TOM1: variants seen among roughly 807,000 people sequenced by gnomAD.
The protein encoded by TOM1 is target of myb1 membrane trafficking protein.
A neutral mutation model predicts 61.3 loss-of-function variants in TOM1; 38 were observed. The observed-to-expected ratio is 0.62, with a 90% CI of 0.48 to 0.81. TOM1 has a LOEUF of 0.81. Among genes scored for constraint, TOM1 ranks in the 40% least tolerant of loss-of-function variants. The pLI, the probability that TOM1 is intolerant of heterozygous loss-of-function variation, is 0.00. For missense variants in TOM1, 591 were observed against 659.6 expected, an observed-to-expected ratio of 0.90 and a Z score of 1.14; for synonymous variants, 270 against 268.8, an observed-to-expected ratio of 1.00 and a Z score of -0.04.
At chr22:35,325,091 G>T (rs1928196881) in intron 6 of TOM1, among the ~76,000 whole-genome samples, 1 of 152,264 alleles carries the variant, frequency 6.6e-6, no homozygotes, top group South Asian at 2.1e-4. Flanking sequence ...ACTTTTGGCT[G>T]CTGGGGTGGG....
chr22:35,329,235 C>T (rs773104807), intron 7 of TOM1, among the ~76,000 whole-genome samples: 12 of 152,330 alleles, frequency 7.9e-5, no homozygotes, highest in Admixed American at 2.0e-4. Flanking sequence ...GGATTATAGG[C>T]ACGAGCCACC....
rs201441903 is a variant in TOM1 at position 35,327,367 on chromosome 22, G to A, written c.745G>A (p.Ala249Thr). ...TELVPTQAEP[A>T]DLELLQELNR... Reference sequence around the variant, plus strand: ...GCTGGTGCCCACCCAGGCCGAGCCCGCAGACCTGGAGCTGCTGCAGGTGAG... The same window carrying A: ...GCTGGTGCCCACCCAGGCCGAGCCCACAGACCTGGAGCTGCTGCAGGTGAG... The change falls in exon 7 of 15, where the codon GCA (alanine) becomes ACA (threonine). Residue 249 changes from alanine (A) to threonine (T), a missense_variant. Physicochemically the swap from Ala to Thr is moderately conservative, Grantham distance 58. Transcript: ENST00000449058. The A allele has an allele frequency of 5.5e-5, 89 of 1,611,868 alleles. No individual in the cohort carries two copies. The highest frequency in any genetic ancestry group is 3.1e-4 in the African/African-American group (23 of 74,986).
chr22:35,345,765 A>G lies in TOM1; in HGVS notation c.1265A>G (p.Gln422Arg). 1 of 1,614,150 alleles carries G rather than the reference A, an allele frequency of 6.2e-7. No individual in the cohort carries two copies. The highest frequency in any genetic ancestry group is 8.5e-7 in the Non-Finnish European group (1 of 1,180,022). Residue 422 changes from glutamine (Q) to arginine (R), a missense_variant, in exon 13 of 15, where the codon CAG (glutamine) becomes CGG (arginine). Transcript: ENST00000449058. ...GCCTGCCTCATGGAGGACATCGAGC[A>G]GTGGCTGTCCACTGACGTGGTATGT... Reference protein sequence around the residue: ...TQACLMEDIEQWLSTDVGNDA... With the variant: ...TQACLMEDIERWLSTDVGNDA...
At chr22:35,344,300 G>C (rs1018225515) in intron 12 of TOM1, 1 of 152,510 alleles carries the variant, frequency 6.6e-6, no homozygotes, top group Non-Finnish European at 1.5e-5. Flanking sequence ...GGGGGTGCTC[G>C]CAGGGCTCCT....
chr22:35,347,157 C>A lies in TOM1; in HGVS notation c.1427C>A (p.Ala476Glu). The change falls in exon 15 of 15, where the codon GCG becomes GAG. Residue 476 changes from alanine to glutamate, a missense_variant. Ala to Glu is a moderately radical substitution (Grantham distance 107). Coordinates refer to ENST00000449058, the MANE Select transcript of TOM1 (RefSeq NM_005488.3). ...CCCCCGGGTCCCCCATCTGGCCCAG[C>A]GCCCCGGAAGAAGACCCAGGAGAAA... The part of the protein sequence containing the change: ...EGPPGPPSGP[A>E]PRKKTQEKDD... 1 of 1,613,334 alleles carries A rather than the reference C, an allele frequency of 6.2e-7. No individual in the cohort carries two copies. The highest frequency in any genetic ancestry group is 8.5e-7 in the Non-Finnish European group (1 of 1,179,752).
chr22:35,307,041 A>C (rs117299818), intron 1 of TOM1, among the ~76,000 whole-genome samples: 1 of 152,148 alleles, frequency 6.6e-6, no homozygotes, highest in East Asian at 1.9e-4. Flanking sequence ...AGAAAAAAAA[A>C]AACCCAAACC....
chr22:35,342,334 G>A (rs1929941937), intron 12 of TOM1, among the ~76,000 whole-genome samples: 1 of 152,086 alleles, frequency 6.6e-6, no homozygotes, highest in Admixed American at 6.5e-5. Context: ...TCTGAGTAGG[G>A]TGAACCAGCC....
At chr22:35,335,638 G>C (rs992553248) in intron 11 of TOM1, 4 of 154,902 alleles carry the variant, frequency 2.6e-5, no homozygotes, top group African/African-American at 7.2e-5. Context: ...CAGCCTGGCT[G>C]AGGTATGCTG....
intron 12 of TOM1, chr22:35,345,048 G>GA (rs1411563710): frequency 6.5e-6 from 1 of 153,472 alleles, no homozygotes; most frequent in Non-Finnish European, 1.5e-5. Context: ...AGCCGTTAGA[G>GA]AGGAAAGCCT....
chr22:35,300,072 C>CAGGG, intron 1 of TOM1, 92 bp downstream of exon 1: 1 of 1,439,960 alleles, frequency 6.9e-7, no homozygotes, highest in Non-Finnish European at 9.5e-7. Flanking sequence ...GTCACGGAGG[C>CAGGG]AGGGAGGGCA....
At chr22:35,334,164 C>T (rs1443105474) in intron 10 of TOM1, among the ~76,000 whole-genome samples, 164 bp from the exon 11 acceptor site, 1 of 152,202 alleles carries the variant, frequency 6.6e-6, no homozygotes, top group Non-Finnish European at 1.5e-5. Flanking sequence ...AGCCGCTTGC[C>T]CAAGGCCCCA....
Position 35,323,322 on chromosome 22 carries a change from T to C in TOM1, c.366+145T>C. On this transcript the variant is annotated intron_variant, in intron 4 of 14. Transcript: ENST00000449058. The surrounding 1 kb of genome is among the most constrained non-coding windows in gnomAD (Gnocchi z 4.2). ...TCTCGGTTGTCGGCTGGTGGGATGT[T>C]CTGTGGGGAGGGAGGCTTGCCAACT... The C allele has an allele frequency of 7.2e-7, 1 of 1,393,248 alleles. No homozygotes were observed. Among genetic ancestry groups the C allele is most frequent in the Non-Finnish European group, 9.8e-7 (1 of 1,019,016 alleles). The allele number at this position is 1,393,248 out of a possible 1,614,324, so 86.3% of individuals were successfully genotyped here.
intron 12 of TOM1, 78 bp downstream of exon 12, chr22:35,338,866 G>A: frequency 7.3e-7 from 1 of 1,374,080 alleles, no homozygotes; most frequent in Non-Finnish European, 9.7e-7. Context: ...GGGTGCCGTT[G>A]TGGGCCAAGC....
In TOM1 at chr22:35,321,980, A is replaced by G. The variant is rs534096006; in HGVS notation, c.159A>G (p.Ala53=). The G allele has an allele frequency of 6.2e-7, 1 of 1,614,168 alleles. No individual in the cohort carries two copies. The highest frequency in any genetic ancestry group is 8.5e-7 in the Non-Finnish European group (1 of 1,180,022). The change falls in exon 3 of 15, where the codon GCA becomes GCG. Residue 53 remains alanine (A), a synonymous_variant. Coordinates refer to ENST00000449058, the MANE Select transcript of TOM1 (RefSeq NM_005488.3). ...TEEGPKDALR[A]VKKRIVGNKN... is the part of the protein sequence containing the mutation. ...TTAGTCCCAAAGATGCCCTCCGAGC[A>G]GTAAAGAAGAGAATCGTGGGGAATA...
chr22:35,307,639 G>T (rs1229529318), intron 1 of TOM1, among the ~76,000 whole-genome samples: 1 of 152,200 alleles, frequency 6.6e-6, no homozygotes, highest in Admixed American at 6.5e-5. Context: ...CCCTGAGGAG[G>T]GGAACTGGGC....
At position 35,317,803 on chromosome 22, in the gene TOM1, CCT is replaced by C; in HGVS notation, c.53-70_53-69del. The C allele has an allele frequency of 3.5e-6, 4 of 1,144,948 alleles. No homozygotes were observed. The Admixed American group carries it at 6.8e-5, about 19-fold the overall frequency. 70.9% of individuals were successfully genotyped at this position (1,144,948 alleles called of 1,614,324 possible). A position where few individuals can be genotyped will look rare whatever the true frequency, so the allele number is the denominator to read the frequency against. On this transcript the variant is annotated intron_variant, in intron 1 of 14. Transcript: ENST00000449058. ...ATCTCATCCGGCCCTGCACCCCCCT[CCT>C]CTCCCACCCACGGTTTGAGTTTACC... is the stretch of plus-strand genomic sequence containing the variant.
Position 35,323,145 on chromosome 22 carries a change from A to G in TOM1, c.334A>G (p.Ile112Val). 3 of 1,614,088 alleles carry G rather than the reference A, an allele frequency of 1.9e-6. No homozygotes were observed. Among genetic ancestry groups the G allele is most frequent in the Non-Finnish European group, 2.5e-6 (3 of 1,180,030 alleles). ...CCTGCCCAAGAACAACCCACCCACC[A>G]TCGTGCATGACAAAGTGCTCAACCT... ...TILPKNNPPT[I>V]VHDKVLNLIQ... is the part of the protein sequence containing the mutation. The change falls in exon 4 of 15, where the codon ATC becomes GTC. Residue 112 changes from isoleucine (I) to valine (V), a missense_variant. Transcript: ENST00000449058. The surrounding 1 kb of genome is among the most constrained non-coding windows in gnomAD (Gnocchi z 4.2).
rs1456450298 is a variant in TOM1, at chr22:35,304,061, G to A, written c.52+4081G>A. On this transcript the variant is annotated intron_variant, in intron 1 of 14. Transcript: ENST00000449058. ...GCGTCCTGGGTATTAATCTCATGGT[G>A]ACCCTGTGCGGTTTTGCTATTTTTT... Among the ~76,000 whole-genome samples the A allele has an allele frequency of 3.9e-5, 6 of 152,178 alleles. No homozygotes were observed. The East Asian group carries it at 7.7e-4, about 19-fold the overall frequency.
chr22:35,335,063 G>A (rs560882212), intron 11 of TOM1, among the ~76,000 whole-genome samples: 33 of 152,278 alleles, frequency 2.2e-4, no homozygotes, highest in African/African-American at 6.0e-4. Flanking sequence ...GCATAGGCAC[G>A]TGGCCTGAGT....
Sources: allele counts gnomAD v4.1 joint callset (sites outside exome capture counted in the v4.1 genomes callset), GRCh38; gene constraint gnomAD v4.1.1; non-coding constraint Gnocchi (gnomAD v3.1); transcripts MANE v1.5; gene names NCBI Gene and HGNC (gene_info 2026-07-23, HGNC 2026-07-21).